Variants in RIN3 observed in about 807,000 individuals in gnomAD.
The protein encoded by RIN3 is Ras and Rab interactor 3, also known as RAB5 interacting protein 3.
Under a neutral mutation model 76.3 loss-of-function variants are expected in RIN3, and 54 were observed. The observed-to-expected ratio is 0.71, with a 90% CI of 0.57 to 0.89. The LOEUF is 0.89. Ranked by LOEUF, RIN3 falls within the 40% of genes least tolerant of loss-of-function variation. The probability of loss-of-function intolerance (pLI) is 0.00; values close to 1 mark genes in which losing one functional copy is unlikely to be tolerated. For synonymous variants in RIN3, 576 were observed against 564.0 expected (o/e 1.02, Z -0.30); for missense variants, 1,256 against 1,322.1 (o/e 0.95, Z 0.78).
intron 3 of RIN3, among the ~76,000 whole-genome samples, chr14:92,615,177 A>C (rs376310001): frequency 1.3e-5 from 2 of 152,080 alleles, no homozygotes; most frequent in African/African-American, 2.4e-5. Context: ...AAATGGACTA[A>C]TACAAACAGG....
rs1178216249 is a variant in RIN3 at position 92,676,719 on chromosome 14, C to G, written c.2467+113C>G. 6.0e-6 allele frequency: 7 copies of G among 1,174,374 alleles called. No homozygotes were observed. The Admixed American group carries it at 1.4e-4, about 24-fold the overall frequency. 72.7% of individuals were successfully genotyped at this position (1,174,374 alleles called of 1,614,324 possible). ...TCCTGGATGCCAGACTCTGGCTGAG[C>G]TCTGGACCCATGGATGCAAATGTGA... On this transcript the variant is annotated intron_variant, in intron 8 of 9. Transcript: ENST00000216487.
chr14:92,627,594 T>C (rs1278074988), intron 4 of RIN3, among the ~76,000 whole-genome samples: 1 of 152,204 alleles, frequency 6.6e-6, no homozygotes, highest in Non-Finnish European at 1.5e-5. Context: ...TTTCTTACTT[T>C]GGTCTTGTGC....
chr14:92,637,513 A>G (rs1442009951), intron 4 of RIN3, among the ~76,000 whole-genome samples: 1 of 152,162 alleles, frequency 6.6e-6, no homozygotes, highest in Non-Finnish European at 1.5e-5. Flanking sequence ...ACCAGTTTGT[A>G]GCCCAGGGGT....
chr14:92,519,654 C>G (rs1284291792), intron 1 of RIN3, among the ~76,000 whole-genome samples: 1 of 152,226 alleles, frequency 6.6e-6, no homozygotes, highest in Non-Finnish European at 1.5e-5. Flanking sequence ...GGATGGCGCT[C>G]TCTGCCAGGC....
chr14:92,600,342 C>T (rs559621648), intron 3 of RIN3, among the ~76,000 whole-genome samples: 99 of 152,282 alleles, frequency 6.5e-4, no homozygotes, highest in African/African-American at 2.2e-3. Context: ...CTCTGCTCCC[C>T]GGAGCTGCAG....
chr14:92,579,875 A>G (rs1456291683), intron 3 of RIN3, among the ~76,000 whole-genome samples: 3 of 152,260 alleles, frequency 2.0e-5, no homozygotes, highest in Non-Finnish European at 4.4e-5. Flanking sequence ...GGCTGGGGAC[A>G]TGGAGGATAC....
At chr14:92,612,239 C>T (rs192430128) in intron 3 of RIN3, among the ~76,000 whole-genome samples, 8 of 152,304 alleles carry the variant, frequency 5.3e-5, no homozygotes, top group Admixed American at 3.9e-4. Context: ...GGCACATGCT[C>T]ACGGGCAGGT....
intron 3 of RIN3, among the ~76,000 whole-genome samples, chr14:92,585,187 ATTTTTTGTAG>A (rs1566854969): frequency 6.6e-6 from 1 of 151,660 alleles, no homozygotes; most frequent in Non-Finnish European, 1.5e-5. Context: ...TAATTTTTTT[ATTTTTTGTAG>A]AGATGGGGTC....
At chr14:92,525,563 A>G (rs1896707471) in intron 1 of RIN3, among the ~76,000 whole-genome samples, 1 of 152,050 alleles carries the variant, frequency 6.6e-6, no homozygotes, top group South Asian at 2.1e-4. Context: ...GGGAGAGGGA[A>G]TGGGGCCCAC....
At chr14:92,516,366 A>G (rs1234936159) in intron 1 of RIN3, among the ~76,000 whole-genome samples, 2 of 152,008 alleles carry the variant, frequency 1.3e-5, no homozygotes, top group African/African-American at 4.8e-5. Flanking sequence ...GAGCCCCTTA[A>G]CCACTCCAGG....
intron 7 of RIN3, among the ~76,000 whole-genome samples, chr14:92,660,027 G>A (rs767691568): frequency 7.2e-5 from 11 of 152,120 alleles, no homozygotes; most frequent in Middle Eastern, 3.2e-3. Flanking sequence ...CTGGATTAGG[G>A]GCCCACCCCA....
intron 1 of RIN3, among the ~76,000 whole-genome samples, chr14:92,533,198 G>A (rs1896923176): frequency 6.6e-6 from 1 of 152,146 alleles, no homozygotes; most frequent in Non-Finnish European, 1.5e-5. Context: ...GAAAAGTCTA[G>A]ATCAGCATTG....
chr14:92,672,327 G>T (rs545643890), intron 7 of RIN3, among the ~76,000 whole-genome samples: 1 of 152,122 alleles, frequency 6.6e-6, no homozygotes, highest in African/African-American at 2.4e-5. Context: ...CAGGAGAATC[G>T]CCTGAACCTG....
chr14:92,581,582 G>A (rs1898438237), intron 3 of RIN3, among the ~76,000 whole-genome samples: 2 of 151,974 alleles, frequency 1.3e-5, no homozygotes, highest in Admixed American at 1.3e-4. Flanking sequence ...TTCTGCCCAC[G>A]TCCTTTGCGC....
chr14:92,562,476 A>G (rs950769093), intron 2 of RIN3, among the ~76,000 whole-genome samples: 3 of 152,216 alleles, frequency 2.0e-5, no homozygotes, highest in African/African-American at 7.2e-5. Context: ...TGTCTGTACA[A>G]GAGATTTGCC....
Position 92,636,792 on chromosome 14 carries a change from G to GT in RIN3, c.441-4445dup, listed in dbSNP as rs533655967. Among the ~76,000 whole-genome samples, 263 of 152,308 alleles carry GT rather than the reference G, an allele frequency of 1.7e-3. 1 individual carries two copies. The highest frequency in any genetic ancestry group is 2.8e-3 in the Non-Finnish European group (188 of 68,032). On this transcript the variant is annotated intron_variant, in intron 4 of 9. Coordinates refer to ENST00000216487, the MANE Select transcript of RIN3 (RefSeq NM_024832.5). The stretch of plus-strand genomic sequence containing the variant: ...GGGCCAGGCATGGTGGCTCATGCCT[G>GT]TAATCCCAGCACTTTGGGAGAAGGA...
chr14:92,680,030 A>G (rs931849022), intron 8 of RIN3, among the ~76,000 whole-genome samples: 3 of 152,088 alleles, frequency 2.0e-5, no homozygotes, highest in South Asian at 2.1e-4. Context: ...CATAAACTGG[A>G]TAACTTTGGA....
At chr14:92,673,497 A>G (rs1888357505) in intron 7 of RIN3, among the ~76,000 whole-genome samples, 1 of 149,876 alleles carries the variant, frequency 6.7e-6, no homozygotes, top group African/African-American at 2.5e-5. Flanking sequence ...GCCATGATGA[A>G]CAAAATATCC....
intron 3 of RIN3, among the ~76,000 whole-genome samples, chr14:92,579,771 G>A (rs1241470420): frequency 6.6e-6 from 1 of 152,276 alleles, no homozygotes; most frequent in Non-Finnish European, 1.5e-5. Context: ...CTCCAAGTCT[G>A]GTTGGAGGGT....
Sources: gnomAD v4.1 joint callset for allele counts (sites outside exome capture counted in the v4.1 genomes callset) on GRCh38, gnomAD v4.1.1 for gene constraint, MANE v1.5 for transcripts, NCBI Gene and HGNC (gene_info 2026-07-23, HGNC 2026-07-21) for gene names.